The following BBX variants were observed in gnomAD, a reference collection of about 807,000 sequenced individuals.
BBX encodes BBX high mobility group box domain containing, also known as HMG box transcription factor BBX.
BBX carries 30 observed loss-of-function variants against 100.2 expected under a neutral mutation model. The ratio of observed to expected loss-of-function variants is 0.30; its 90% confidence interval spans 0.22 to 0.41. The LOEUF is 0.41. Ranked by LOEUF, BBX falls within the 10% of genes least tolerant of loss-of-function variation. The pLI, the probability that BBX is intolerant of heterozygous loss-of-function variation, is 1.00. For missense variants in BBX, 1,023 were observed against 1,129.8 expected, an observed-to-expected ratio of 0.91 and a Z score of 1.35; for synonymous variants, 376 against 388.1, an observed-to-expected ratio of 0.97 and a Z score of 0.37.
intron 2 of BBX, among the ~76,000 whole-genome samples, chr3:107,611,329 G>A (rs2054834498): frequency 6.6e-6 from 1 of 152,084 alleles, no homozygotes; most frequent in South Asian, 2.1e-4. Flanking sequence ...TCAACCATGA[G>A]TTTTATTCCT....
intron 5 of BBX, among the ~76,000 whole-genome samples, chr3:107,721,870 C>T (rs747316173): frequency 4.6e-5 from 7 of 151,908 alleles, no homozygotes; most frequent in Non-Finnish European, 7.4e-5. Context: ...AATATATGTA[C>T]AAGCATTACA....
At chr3:107,609,504 C>T (rs1287772767) in intron 2 of BBX, among the ~76,000 whole-genome samples, 3 of 152,004 alleles carry the variant, frequency 2.0e-5, no homozygotes, top group Admixed American at 6.6e-5. Context: ...ACCATCAGGT[C>T]CCAGGCTTTT....
intron 17 of BBX, among the ~76,000 whole-genome samples, chr3:107,803,223 C>T (rs1158024661): frequency 6.6e-6 from 1 of 151,886 alleles, no homozygotes; most frequent in African/African-American, 2.4e-5. Context: ...TTTAACCTTC[C>T]ATTAGAAAGA....
chr3:107,680,519 A>G (rs957737364), intron 3 of BBX, among the ~76,000 whole-genome samples: 2 of 152,154 alleles, frequency 1.3e-5, no homozygotes, highest in Non-Finnish European at 2.9e-5. Context: ...AGGGTTTCCC[A>G]TACCTGACAG....
intron 10 of BBX, among the ~76,000 whole-genome samples, chr3:107,764,340 G>C (rs10212337): frequency 0.11 from 16,162 of 152,228 alleles, 1,066 homozygotes; most frequent in Middle Eastern, 0.16. Context: ...GTGCGAATCA[G>C]AATGCATTTT....
intron 9 of BBX, among the ~76,000 whole-genome samples, chr3:107,748,383 C>A (rs2064801189): frequency 6.6e-6 from 1 of 152,058 alleles, no homozygotes. Flanking sequence ...TAAATTTTTC[C>A]AATAGTGAAA....
At chr3:107,765,248 A>G (rs533277394) in intron 10 of BBX, among the ~76,000 whole-genome samples, 22 of 152,344 alleles carry the variant, frequency 1.4e-4, no homozygotes, top group African/African-American at 5.3e-4. Context: ...TATTTTAAGT[A>G]CTGTTGCATG....
At chr3:107,693,680 G>A (rs547032870) in intron 3 of BBX, among the ~76,000 whole-genome samples, 4 of 151,846 alleles carry the variant, frequency 2.6e-5, no homozygotes, top group Non-Finnish European at 4.4e-5. Flanking sequence ...TTGGCGATGC[G>A]GGCTCTTTTT....
At chr3:107,533,034 C>T (rs1040015310) in intron 2 of BBX, among the ~76,000 whole-genome samples, 1 of 151,962 alleles carries the variant, frequency 6.6e-6, no homozygotes, top group South Asian at 2.1e-4. Context: ...CAAAACCTAA[C>T]CCATACTGTC....
chr3:107,789,377 T>G (rs975079971), intron 13 of BBX, among the ~76,000 whole-genome samples: 3 of 152,220 alleles, frequency 2.0e-5, no homozygotes, highest in Non-Finnish European at 2.9e-5. Flanking sequence ...AGTGCTATCC[T>G]TGTTGTGAAA....
Position 107,793,574 on chromosome 3 carries a change from G to A in BBX, c.2353+2275G>A, listed in dbSNP as rs143813385. Among the ~76,000 whole-genome samples, 485 of 152,028 alleles carry A rather than the reference G, an allele frequency of 3.2e-3. 3 individuals carry two copies. The highest frequency in any genetic ancestry group is 0.01 in the Middle Eastern group (3 of 294). ...TTCTAGGCCTTTAATCCTCTCTCTC[G>A]TCTATGACTATATCACTGCTTATTG... On this transcript the variant is annotated intron_variant, in intron 15 of 17. Coordinates refer to ENST00000325805, the MANE Select transcript of BBX (RefSeq NM_001142568.3).
At chr3:107,723,197 C>T (rs2062663678) in intron 5 of BBX, among the ~76,000 whole-genome samples, 2 of 151,994 alleles carry the variant, frequency 1.3e-5, no homozygotes, top group Non-Finnish European at 2.9e-5. Flanking sequence ...TGCCACTTCT[C>T]TTTCACCCTA....
At chr3:107,630,093 T>TA (rs2107723529) in intron 2 of BBX, among the ~76,000 whole-genome samples, 1 of 152,310 alleles carries the variant, frequency 6.6e-6, no homozygotes, top group East Asian at 1.9e-4. Flanking sequence ...AGTCCTTCTA[T>TA]ATCCATAGCG....
intron 2 of BBX, among the ~76,000 whole-genome samples, chr3:107,591,644 C>A (rs979192458): frequency 2.0e-5 from 3 of 152,164 alleles, no homozygotes; most frequent in African/African-American, 7.2e-5. Flanking sequence ...TGCGCCAGTA[C>A]GCCTGGCTAA....
At chr3:107,722,732 T>C (rs2062631755) in intron 5 of BBX, among the ~76,000 whole-genome samples, 1 of 151,982 alleles carries the variant, frequency 6.6e-6, no homozygotes, top group African/African-American at 2.4e-5. Context: ...CAATTTTCTG[T>C]CAGTGAAATA....
chr3:107,570,593 C>T (rs992421730), intron 2 of BBX, among the ~76,000 whole-genome samples: 2 of 151,980 alleles, frequency 1.3e-5, no homozygotes, highest in Non-Finnish European at 2.9e-5. Context: ...AACTGTTGGG[C>T]AGGTTGGGGA....
chr3:107,737,884 GTTTTTTT>G lies in BBX; in HGVS notation c.669+4885_669+4891del, dbSNP rs1156396951. 6.6e-3 allele frequency among the ~76,000 whole-genome samples: 323 copies of G among 48,900 alleles called. 3 individuals are homozygous for G. The highest frequency in any genetic ancestry group is 0.026 in the African/African-American group (291 of 11,302). The allele number at this position is 48,900 out of a possible 152,430, so 32.1% of individuals were successfully genotyped here. The stretch of plus-strand genomic sequence containing the variant: ...GGACCAGAAGTACTTCAGAGTTCCA[GTTTTTTT>G]TTTTTTTTTTTTTTTTTTTTTTTAA... On this transcript the variant is annotated intron_variant, in intron 7 of 17. Transcript: ENST00000325805.
At chr3:107,763,485 G>C (rs542155148) in intron 10 of BBX, among the ~76,000 whole-genome samples, 3 of 152,250 alleles carry the variant, frequency 2.0e-5, no homozygotes, top group South Asian at 2.1e-4. Context: ...ATCTGATTCA[G>C]AAAGATAAAA....
chr3:107,804,907 T>TA (rs751843124), intron 17 of BBX, among the ~76,000 whole-genome samples: 1 of 151,978 alleles, frequency 6.6e-6, no homozygotes, highest in Non-Finnish European at 1.5e-5. Context: ...CCAATTACTA[T>TA]AGGAGAACTT....
Sources: gnomAD v4.1 joint callset for allele counts (sites outside exome capture counted in the v4.1 genomes callset) on GRCh38, gnomAD v4.1.1 for gene constraint, MANE v1.5 for transcripts, NCBI Gene and HGNC (gene_info 2026-07-23, HGNC 2026-07-21) for gene names.